VAV3: variants seen among roughly 807,000 people sequenced by gnomAD.
The protein encoded by VAV3 is guanine nucleotide exchange factor VAV3.
In VAV3, 94 loss-of-function variants were observed where a neutral mutation model predicts 131.2. The ratio of observed to expected loss-of-function variants is 0.72; its 90% CI spans 0.61 to 0.85. The LOEUF is 0.85. Among genes scored for constraint, VAV3 ranks in the 40% least tolerant of loss-of-function variants. The pLI, the probability that VAV3 is intolerant of heterozygous loss-of-function variation, is 0.00. For missense variants in VAV3, 939 were observed against 1,002.7 expected, an observed-to-expected ratio of 0.94 and a Z score of 0.86; for synonymous variants, 349 against 342.0, an observed-to-expected ratio of 1.02 and a Z score of -0.22.
intron 2 of VAV3, among the ~76,000 whole-genome samples, chr1:107,791,234 C>T (rs1249841755): frequency 6.7e-6 from 1 of 150,292 alleles, no homozygotes; most frequent in Non-Finnish European, 1.5e-5. Context: ...TTGCCAATAG[C>T]CTTGTGTGCC....
At chr1:107,790,453 G>A (rs1666226629) in intron 2 of VAV3, among the ~76,000 whole-genome samples, 3 of 152,198 alleles carry the variant, frequency 2.0e-5, no homozygotes, top group African/African-American at 4.8e-5. Context: ...ATGCACATAC[G>A]TGTTTACACA....
chr1:107,904,495 T>A (rs529345490), intron 1 of VAV3, among the ~76,000 whole-genome samples: 1 of 152,316 alleles, frequency 6.6e-6, no homozygotes, highest in Admixed American at 6.5e-5. Context: ...CTTATTTGAC[T>A]GCTCCATGTT....
chr1:107,795,990 T>C (rs904333377), intron 2 of VAV3, among the ~76,000 whole-genome samples: 2 of 152,138 alleles, frequency 1.3e-5, no homozygotes, highest in African/African-American at 2.4e-5. Context: ...TTGAAGAAGA[T>C]TGGGTAAAAG....
intron 2 of VAV3, among the ~76,000 whole-genome samples, chr1:107,781,711 G>T (rs767850244): frequency 6.6e-6 from 1 of 152,038 alleles, no homozygotes; most frequent in African/African-American, 2.4e-5. Flanking sequence ...AAAAAGAAAA[G>T]AAAATACAAT....
chr1:107,590,567 C>A (rs1650869375), intron 25 of VAV3, among the ~76,000 whole-genome samples: 1 of 152,220 alleles, frequency 6.6e-6, no homozygotes, highest in South Asian at 2.1e-4. Context: ...GTGCCAGCTG[C>A]ATCCTGAACC....
rs1654307794 is a variant in VAV3, at chr1:107,629,687, A to G, written c.1915-12055T>C. On this transcript the variant is annotated intron_variant, in intron 20 of 26. Coordinates refer to ENST00000370056, the MANE Select transcript of VAV3 (RefSeq NM_006113.5). ...GAATCCTGAAATGCAAAGACTGAAC[A>G]GAGTACATTTTTACAGCTCAATTGA... is the stretch of plus-strand genomic sequence containing the variant. Among the ~76,000 whole-genome samples the G allele has an allele frequency of 1.3e-5, 2 of 152,210 alleles. 1 individual carries two copies.
At chr1:107,746,929 G>A (rs1044769526) in intron 15 of VAV3, among the ~76,000 whole-genome samples, 1 of 151,186 alleles carries the variant, frequency 6.6e-6, no homozygotes, top group South Asian at 2.1e-4. Context: ...ACCCAGGCTG[G>A]AGTGCAGTGG....
intron 26 of VAV3, 110 bp from the exon 27 acceptor site, chr1:107,573,482 TTA>T: frequency 7.7e-7 from 1 of 1,295,344 alleles, no homozygotes; most frequent in Non-Finnish European, 1.1e-6. Flanking sequence ...AACTGGGGTT[TTA>T]TGTCCATTGT....
chr1:107,666,286 C>T (rs144101768), intron 19 of VAV3, among the ~76,000 whole-genome samples: 13 of 152,184 alleles, frequency 8.5e-5, no homozygotes, highest in East Asian at 5.8e-4. Context: ...TCATGAATAA[C>T]GAACAATGTT....
At chr1:107,595,631 C>T (rs1197264466) in intron 25 of VAV3, among the ~76,000 whole-genome samples, 1 of 152,146 alleles carries the variant, frequency 6.6e-6, no homozygotes, top group East Asian at 1.9e-4. Context: ...TCGACTTAGA[C>T]TCACAGTCCA....
At chr1:107,763,163 G>A (rs754972829) in intron 9 of VAV3, among the ~76,000 whole-genome samples, 1 of 152,204 alleles carries the variant, frequency 6.6e-6, no homozygotes, top group Non-Finnish European at 1.5e-5. Flanking sequence ...GTTACACTAA[G>A]TATCCGACTT....
At chr1:107,635,818 C>A (rs1654888651) in intron 20 of VAV3, among the ~76,000 whole-genome samples, 1 of 152,046 alleles carries the variant, frequency 6.6e-6, no homozygotes, top group South Asian at 2.1e-4. Flanking sequence ...AGTGCTAGAG[C>A]GTAATAGTAA....
chr1:107,664,182 CTATTT>C (rs762395451), intron 19 of VAV3, among the ~76,000 whole-genome samples: 1 of 152,084 alleles, frequency 6.6e-6, no homozygotes, highest in Non-Finnish European at 1.5e-5. Flanking sequence ...CCCTCCCCTC[CTATTT>C]TATTTTTCTT....
chr1:107,799,232 A>T (rs777731749), intron 2 of VAV3, among the ~76,000 whole-genome samples: 7 of 152,062 alleles, frequency 4.6e-5, no homozygotes, highest in African/African-American at 7.2e-5. Context: ...ATATACTGAA[A>T]ACTCAATTAA....
At chr1:107,632,164 G>A (rs978556660) in intron 20 of VAV3, among the ~76,000 whole-genome samples, 1 of 152,064 alleles carries the variant, frequency 6.6e-6, no homozygotes, top group Non-Finnish European at 1.5e-5. Flanking sequence ...GGTGAGCTGG[G>A]GATAGTGTCA....
chr1:107,694,650 G>A (rs1659640602), intron 17 of VAV3, among the ~76,000 whole-genome samples: 1 of 152,122 alleles, frequency 6.6e-6, no homozygotes, highest in Admixed American at 6.5e-5. Context: ...CTACGAAGGT[G>A]GAACCAAAAC....
chr1:107,737,595 C>T (rs1396296887), intron 15 of VAV3, among the ~76,000 whole-genome samples: 2 of 152,132 alleles, frequency 1.3e-5, no homozygotes, highest in African/African-American at 2.4e-5. Context: ...CCAACAGACA[C>T]ATGAAAAAAT....
chr1:107,757,889 C>A (rs137855899), intron 10 of VAV3, among the ~76,000 whole-genome samples: 1,947 of 152,258 alleles, frequency 0.013, 63 homozygotes, highest in Admixed American at 0.071. Context: ...TCTACAAATT[C>A]TATCACAACC....
rs1048373631 is a variant in VAV3, at chr1:107,609,852, A to G, written c.2015+79T>C. The stretch of plus-strand genomic sequence containing the variant: ...GACAAATGGAAATGGAATATGGTTT[A>G]CTACCCCCACATTTAAGGCATCCTG... On this transcript the variant is annotated intron_variant, in intron 22 of 26. Transcript: ENST00000370056. 7 of 1,395,190 alleles carry G rather than the reference A, an allele frequency of 5.0e-6. No homozygotes were observed. In the African/African-American group the frequency reaches 8.6e-5, roughly 17 times the overall value. 86.4% of individuals were successfully genotyped at this position (1,395,190 alleles called of 1,614,324 possible). A position where few individuals can be genotyped will look rare whatever the true frequency, so the allele number is the denominator to read the frequency against.
Sources: allele counts gnomAD v4.1 joint callset (sites outside exome capture counted in the v4.1 genomes callset), GRCh38; gene constraint gnomAD v4.1.1; transcripts MANE v1.5; gene names NCBI Gene and HGNC (gene_info 2026-07-23, HGNC 2026-07-21).